The following RAB30 variants were observed in gnomAD, a reference collection of about 807,000 sequenced individuals.
RAB30 encodes ras-related protein Rab-30.
A neutral mutation model predicts 25.1 loss-of-function variants in RAB30; 9 were observed. The observed-to-expected ratio is 0.36, with a 90% CI of 0.22 to 0.63. The LOEUF (loss-of-function observed/expected upper bound fraction) is 0.63. RAB30 is among the 20% of genes least tolerant of loss of function. RAB30 has a pLI of 0.69. For synonymous variants in RAB30, 77 were observed against 86.4 expected (o/e 0.89, Z 0.60); for missense variants, 140 against 243.5 (o/e 0.58, Z 2.83).
chr11:83,024,011 T>C (rs1857650788), intron 1 of RAB30, among the ~76,000 whole-genome samples: 1 of 152,172 alleles, frequency 6.6e-6, no homozygotes, highest in South Asian at 2.1e-4. Flanking sequence ...CTCACAATTA[T>C]TTACTTATAA....
chr11:83,032,896 T>C (rs556417310), intron 1 of RAB30, among the ~76,000 whole-genome samples: 1 of 151,906 alleles, frequency 6.6e-6, no homozygotes, highest in African/African-American at 2.4e-5. Context: ...AATCTATCTA[T>C]CAAGAATGAT....
chr11:82,987,951 A>T (rs1856773504), intron 3 of RAB30, among the ~76,000 whole-genome samples, 181 bp from the exon 4 acceptor site: 1 of 150,896 alleles, frequency 6.6e-6, no homozygotes, highest in Non-Finnish European at 1.5e-5. Flanking sequence ...AAATTAAAAA[A>T]AAAAAAATCT....
chr11:83,022,586 T>C (rs1221121849), intron 1 of RAB30, among the ~76,000 whole-genome samples: 1 of 152,208 alleles, frequency 6.6e-6, no homozygotes, highest in East Asian at 1.9e-4. Flanking sequence ...TTTTATTAGA[T>C]ATTTTTGCAT....
chr11:83,011,900 C>T (rs1857312066), intron 1 of RAB30, among the ~76,000 whole-genome samples: 1 of 152,050 alleles, frequency 6.6e-6, no homozygotes, highest in Non-Finnish European at 1.5e-5. Context: ...CTAATGTGCA[C>T]CCATATCACT....
At chr11:83,008,147 C>CA (rs566564082) in intron 1 of RAB30, among the ~76,000 whole-genome samples, 57 of 152,328 alleles carry the variant, frequency 3.7e-4, no homozygotes, top group African/African-American at 1.3e-3. Context: ...GGGCTGAACA[C>CA]ACAAAGCAGC....
Position 82,974,999 on chromosome 11 carries a change from A to T in RAB30, c.*7166T>A, listed in dbSNP as rs1011404463. The T allele has an allele frequency of 8.6e-5, 13 of 150,646 alleles. No homozygotes were observed. In the Middle Eastern group the frequency reaches 0.01, roughly 118 times the overall value. The allele number at this position is 150,646 out of a possible 1,614,324, so 9.3% of individuals were successfully genotyped here. On this transcript the variant is annotated 3_prime_UTR_variant, in exon 5 of 5. Coordinates refer to ENST00000527633, the MANE Select transcript of RAB30 (RefSeq NM_001286060.2). ...AAATTTTGCTCACGAGTTAGTTCAAATACATTTATGTAGCTCCCTTATATA... is the reference window on the plus strand; with the variant it reads ...AAATTTTGCTCACGAGTTAGTTCAATTACATTTATGTAGCTCCCTTATATA...
chr11:83,022,897 A>T (rs1283441252), intron 1 of RAB30, among the ~76,000 whole-genome samples: 1 of 152,006 alleles, frequency 6.6e-6, no homozygotes, highest in African/African-American at 2.4e-5. Context: ...CTGAAATGAG[A>T]GTTTCAGGTG....
At chr11:83,062,329 G>C (rs1485568725) in intron 1 of RAB30, among the ~76,000 whole-genome samples, 1 of 152,138 alleles carries the variant, frequency 6.6e-6, no homozygotes, top group Non-Finnish European at 1.5e-5. Context: ...ACTTTGTAGA[G>C]CATCTTTTAT....
chr11:82,997,721 G>A (rs1381430214), intron 1 of RAB30, among the ~76,000 whole-genome samples: 3 of 152,184 alleles, frequency 2.0e-5, no homozygotes, highest in South Asian at 2.1e-4. Flanking sequence ...CTTAAAGGAC[G>A]TTTATGGAAT....
chr11:82,981,304 C>T lies in RAB30; in HGVS notation c.*861G>A, dbSNP rs540058496. 4.6e-5 allele frequency: 7 copies of T among 152,120 alleles called. No homozygotes were observed. The East Asian group carries it at 5.8e-4, about 13-fold the overall frequency. 9.4% of individuals were successfully genotyped at this position (152,120 alleles called of 1,614,324 possible). On this transcript the variant is annotated 3_prime_UTR_variant, in exon 5 of 5. Transcript: ENST00000527633. ...TTGTTTATTTTTTTCATTTTGCAAA[C>T]GTTTTCATTTACATAAAGGGCTGGA...
intron 1 of RAB30, among the ~76,000 whole-genome samples, chr11:83,019,778 C>G (rs1446764989): frequency 6.6e-6 from 1 of 152,196 alleles, no homozygotes; most frequent in East Asian, 1.9e-4. Flanking sequence ...CAATTGTTGG[C>G]TATTGTTACC....
Position 82,974,945 on chromosome 11 carries a change from C to CTTTTTTTT in RAB30, c.*7212_*7219dup, listed in dbSNP as rs532736733. ...TTTTGAGCAGAGTTTGTTGTTTTTT[C>CTTTTTTTT]TTTTTTTTTTTTTTTTTGCTGAAAA... On this transcript the variant is annotated 3_prime_UTR_variant, in exon 5 of 5. Transcript: ENST00000527633. The CTTTTTTTT allele has an allele frequency of 7.6e-6, 1 of 130,876 alleles. No individual in the cohort carries two copies. 8.1% of individuals were successfully genotyped at this position (130,876 alleles called of 1,614,324 possible).
At chr11:82,990,271 G>A (rs1039255488) in intron 3 of RAB30, among the ~76,000 whole-genome samples, 2 of 152,204 alleles carry the variant, frequency 1.3e-5, no homozygotes, top group African/African-American at 4.8e-5. Flanking sequence ...GAGAGCAAAG[G>A]CTGTCTTTTA....
intron 1 of RAB30, among the ~76,000 whole-genome samples, chr11:83,068,298 CAA>C (rs58584244): frequency 1.5e-5 from 2 of 131,200 alleles, no homozygotes. Flanking sequence ...AACTCTGTCT[CAA>C]AAAAAAAAAA....
At chr11:83,055,795 C>A (rs1212955240) in intron 1 of RAB30, among the ~76,000 whole-genome samples, 1 of 152,156 alleles carries the variant, frequency 6.6e-6, no homozygotes, top group East Asian at 1.9e-4. Context: ...ACCATGTGAC[C>A]ACACATCCTT....
At chr11:83,008,843 T>A (rs1857243135) in intron 1 of RAB30, among the ~76,000 whole-genome samples, 1 of 152,176 alleles carries the variant, frequency 6.6e-6, no homozygotes, top group African/African-American at 2.4e-5. Context: ...CCAGGCTCCC[T>A]GCAGCCAGTC....
chr11:82,989,436 G>A (rs1368535361), intron 3 of RAB30, among the ~76,000 whole-genome samples: 2 of 152,186 alleles, frequency 1.3e-5, no homozygotes, highest in South Asian at 2.1e-4. Flanking sequence ...GCTGCTCTTC[G>A]ATGATACACA....
At chr11:83,054,998 G>A (rs1022900054) in intron 1 of RAB30, among the ~76,000 whole-genome samples, 5 of 152,226 alleles carry the variant, frequency 3.3e-5, no homozygotes, top group Non-Finnish European at 1.5e-5. Flanking sequence ...GACATCACCT[G>A]GCACTCACCT....
intron 1 of RAB30, among the ~76,000 whole-genome samples, chr11:83,067,358 A>G (rs1590885133): frequency 6.6e-6 from 1 of 151,608 alleles, no homozygotes; most frequent in South Asian, 2.1e-4. Context: ...TAAAGCTCAG[A>G]AAAAAAAATG....
Sources: allele counts gnomAD v4.1 joint callset (sites outside exome capture counted in the v4.1 genomes callset), GRCh38; gene constraint gnomAD v4.1.1; transcripts MANE v1.5; gene names NCBI Gene and HGNC (gene_info 2026-07-23, HGNC 2026-07-21).